CEP170B: variants seen among roughly 807,000 people sequenced by gnomAD.
CEP170B encodes centrosomal protein 170B, also known as centrosomal protein of 170 kDa protein B.
CEP170B carries 55 observed loss-of-function variants against 120.6 expected under a neutral mutation model. The ratio of observed to expected loss-of-function variants is 0.46; its 90% CI spans 0.37 to 0.57. The LOEUF is 0.57. Ranked by LOEUF, CEP170B falls within the 20% of genes least tolerant of loss-of-function variation. The pLI is 0.00. For missense variants in CEP170B, 2,212 were observed against 2,253.3 expected, an observed-to-expected ratio of 0.98 and a Z score of 0.37; for synonymous variants, 1,033 against 954.5, an observed-to-expected ratio of 1.08 and a Z score of -1.52.
chr14:104,872,299 CCAT>C (rs1895561029), intron 2 of CEP170B, among the ~76,000 whole-genome samples: 2 of 48,368 alleles, frequency 4.1e-5, no homozygotes, highest in South Asian at 7.4e-4. Context: ...CGTGTGTGTG[CCAT>C]GGGTGTGCGT....
intron 10 of CEP170B, 60 bp downstream of exon 10, chr14:104,885,602 C>T (rs1896440865): frequency 4.6e-6 from 7 of 1,505,842 alleles, no homozygotes; most frequent in African/African-American, 1.4e-5. Flanking sequence ...AGCATCCAAG[C>T]CGGACCTGGG....
chr14:104,883,882 A>C lies in CEP170B; in HGVS notation c.1103A>C (p.Lys368Thr), dbSNP rs1382110181. Residue 368 changes from lysine to threonine, a missense_variant, in exon 9 of 19, where the codon AAG (lysine) becomes ACG (threonine). Around this residue, in one of 2 missense-constraint regions of CEP170B, gnomAD observed 2,166 missense variants for 2,166.7 expected, o/e 1.00. Transcript: ENST00000414716. ...TQSDSEDPLA[K>T]AASAAGVPLE... ...AGTGACTCAGAGGACCCCCTGGCCA[A>C]GGCGGCCTCGGCCGCTGGGGTGCCC... 6.3e-7 allele frequency: 1 copy of C among 1,580,484 alleles called. No homozygotes were observed. The highest frequency in any genetic ancestry group is 1.8e-5 in the Admixed American group (1 of 54,564).
intron 14 of CEP170B, 134 bp from the exon 15 acceptor site, chr14:104,893,389 G>T: frequency 8.4e-7 from 1 of 1,187,436 alleles, no homozygotes; most frequent in South Asian, 1.6e-5. Flanking sequence ...GCGGGGCAGG[G>T]GCACAGGAGG....
At chr14:104,893,214 C>A (rs1595361935) in intron 14 of CEP170B, 79 bp downstream of exon 14, 2 of 1,448,218 alleles carry the variant, frequency 1.4e-6, no homozygotes, top group Non-Finnish European at 9.2e-7. Flanking sequence ...CAGCCCTTTG[C>A]ATGCCTCGGC....
chr14:104,894,580 A>G lies in CEP170B; in HGVS notation c.4409A>G (p.Gln1470Arg). 1 of 1,612,056 alleles carries G rather than the reference A, an allele frequency of 6.2e-7. No individual in the cohort carries two copies. The highest frequency in any genetic ancestry group is 8.5e-7 in the Non-Finnish European group (1 of 1,178,768). Residue 1470 changes from glutamine (Q) to arginine (R), a missense_variant, in exon 18 of 19, where the codon CAG becomes CGG. Coordinates refer to ENST00000414716, the MANE Select transcript of CEP170B (RefSeq NM_001112726.3). ...ILKELRRVQK[Q>R]LEVINAIVDP... ...AAGGAACTGAGGCGGGTGCAGAAAC[A>G]GCTGGAAGGTGAGTGTGGCCCAAGC...
In CEP170B at chr14:104,886,150, C is replaced by G. The variant is rs1329436455; in HGVS notation, c.2035+20C>G. The G allele has an allele frequency of 1.3e-6, 2 of 1,514,596 alleles. No individual in the cohort carries two copies. Among genetic ancestry groups the G allele is most frequent in the Non-Finnish European group, 1.8e-6 (2 of 1,132,852 alleles). 93.8% of individuals were successfully genotyped at this position (1,514,596 alleles called of 1,614,324 possible). On this transcript the variant is annotated intron_variant, in intron 11 of 18. Coordinates refer to ENST00000414716, the MANE Select transcript of CEP170B (RefSeq NM_001112726.3). ...TCACAGGTAAGTGGCTCCAGTGCTG[C>G]GGGGGAGTCGGGCCAGGCCGGGGCG...
chr14:104,893,269 C>A (rs1896938465), intron 14 of CEP170B, 134 bp downstream of exon 14: 1 of 1,190,224 alleles, frequency 8.4e-7, no homozygotes, highest in Non-Finnish European at 1.1e-6. Flanking sequence ...GGAACATGTC[C>A]CCCTGGGTCA....
chr14:104,865,170 G>C (rs1442389775), upstream of CEP170B: 2 of 146,904 alleles, frequency 1.4e-5, no homozygotes, highest in Non-Finnish European at 3.0e-5. This position sits in a 1 kb window ranked among gnomAD's most constrained non-coding sequence, Gnocchi z 6.7. Context: ...CCTGGTTTCC[G>C]GCGGGGCGGC....
At chr14:104,877,745 G>A (rs1289424228) in intron 3 of CEP170B, 140 bp from the exon 4 acceptor site, 10 of 645,948 alleles carry the variant, frequency 1.5e-5, no homozygotes, top group South Asian at 8.8e-5. Context: ...GCCATCACTC[G>A]CCGTGGGTTC....
Position 104,883,022 on chromosome 14 carries a change from C to T in CEP170B, c.578-13C>T, listed in dbSNP as rs1351161815. The T allele has an allele frequency of 6.7e-7, 1 of 1,496,532 alleles. No individual in the cohort carries two copies. The allele number at this position is 1,496,532 out of a possible 1,614,324, so 92.7% of individuals were successfully genotyped here. On this transcript the variant is annotated splice_polypyrimidine_tract_variant and intron_variant, in intron 7 of 18. Transcript: ENST00000414716. The stretch of plus-strand genomic sequence containing the variant: ...ACCCTGAGGCCCGGTCTGAAGACAT[C>T]TTCCCACACCAGAGCGCCCCAAGGG...
chr14:104,889,562 G>A, intron 12 of CEP170B, 58 bp from the exon 13 acceptor site: 1 of 1,602,032 alleles, frequency 6.2e-7, no homozygotes, highest in Non-Finnish European at 8.5e-7. Flanking sequence ...CACCTCTGAG[G>A]AGGAGTACGG....
chr14:104,895,101 C>A lies in CEP170B; in HGVS notation c.*143C>A. 1.1e-6 allele frequency: 1 copy of A among 930,260 alleles called. No homozygotes were observed. The highest frequency in any genetic ancestry group is 1.6e-6 in the Non-Finnish European group (1 of 643,340). 57.6% of individuals were successfully genotyped at this position (930,260 alleles called of 1,614,324 possible). On this transcript the variant is annotated 3_prime_UTR_variant, in exon 19 of 19. Coordinates refer to ENST00000414716, the MANE Select transcript of CEP170B (RefSeq NM_001112726.3). ...TCCCTGTGGGCGGGTGCCTCCCACG[C>A]CCTTGCCCCCTCGTCAGCTCCCAGC...
In CEP170B at chr14:104,887,894, A is replaced by T. The variant is rs1363813858; in HGVS notation, c.3655A>T (p.Arg1219Trp). The T allele has an allele frequency of 3.8e-6, 6 of 1,559,414 alleles. No homozygotes were observed. Among genetic ancestry groups the T allele is most frequent in the Non-Finnish European group, 5.2e-6 (6 of 1,157,304 alleles). ...CATGGCCGAAGCACGGGCTGTCTCC[A>T]GGAAGGCTGCCAACACAGCCACCAC... Reference protein sequence around the residue: ...PTMAEARAVSRKAANTATTTG... With the variant: ...PTMAEARAVSWKAANTATTTG... Residue 1219 changes from arginine to tryptophan, a missense_variant, in exon 12 of 19, where the codon AGG becomes TGG. This residue lies in a region of CEP170B where 2,166 missense variants were observed against 2,166.7 expected (regional missense o/e 1.00). Coordinates refer to ENST00000414716, the MANE Select transcript of CEP170B (RefSeq NM_001112726.3).
At chr14:104,890,808 AGTGG>A (rs1896809822) in intron 13 of CEP170B, among the ~76,000 whole-genome samples, 2 of 43,218 alleles carry the variant, frequency 4.6e-5, no homozygotes, top group South Asian at 1.8e-3. Context: ...TGGATGGATG[AGTGG>A]GTGGGTGGAT....
rs376197906 is a variant in CEP170B, at chr14:104,867,392, C to T, written c.-27-1032C>T. Among the ~76,000 whole-genome samples the T allele has an allele frequency of 2.6e-5, 4 of 152,322 alleles. No homozygotes were observed. Among genetic ancestry groups the T allele is most frequent in the African/African-American group, 9.6e-5 (4 of 41,568 alleles). ...GTGTTCCCTGTATCCCTCTTTGCAC[C>T]TTCTCATAAGCCGTTTCTGTTCTCT... On this transcript the variant is annotated intron_variant, in intron 1 of 18. Coordinates refer to ENST00000414716, the MANE Select transcript of CEP170B (RefSeq NM_001112726.3). This position sits in a 1 kb window ranked among gnomAD's most constrained non-coding sequence, Gnocchi z 5.4.
At position 104,887,255 on chromosome 14, in the gene CEP170B, C is replaced by G. The variant is rs765584586; in HGVS notation, c.3016C>G (p.Gln1006Glu). The G allele has an allele frequency of 6.2e-7, 1 of 1,607,470 alleles. No individual in the cohort carries two copies. The highest frequency in any genetic ancestry group is 1.7e-5 in the Admixed American group (1 of 59,892). The change falls in exon 12 of 19, where the codon CAG becomes GAG. Residue 1006 changes from glutamine to glutamate, a missense_variant. Coordinates refer to ENST00000414716, the MANE Select transcript of CEP170B (RefSeq NM_001112726.3). ...CACCGCCCTGGTCAGTGCCCGTGAG[C>G]AGTCCTCAGAGAGGCAGCATCACCC... ...GGTALVSARE[Q>E]SSERQHHPLG...
At position 104,896,268 on chromosome 14, in the gene CEP170B, G is replaced by A. The variant is rs1466356644; in HGVS notation, c.*1310G>A. ...GTTTACTTTTAGCTGAGCTGGGGTT[G>A]GGTGTACGGGTTCTGTTCCTCTGAG... On this transcript the variant is annotated 3_prime_UTR_variant, in exon 19 of 19. Coordinates refer to ENST00000414716, the MANE Select transcript of CEP170B (RefSeq NM_001112726.3). 2.4e-5 allele frequency: 6 copies of A among 249,802 alleles called. No homozygotes were observed. Among genetic ancestry groups the A allele is most frequent in the East Asian group, 2.1e-4 (2 of 9,360 alleles). The allele number at this position is 249,802 out of a possible 1,614,324, so 15.5% of individuals were successfully genotyped here.
chr14:104,885,516 G>T lies in CEP170B; in HGVS notation c.1918G>T (p.Gly640Cys). ...LLQEFASRPL[G>C]AAPQAEHQGL... is the part of the protein sequence containing the mutation. ...GCAGGAGTTTGCCTCCCGGCCACTG[G>T]GTGCGGCCCCCCAGGCGGAGCACCA... is the stretch of plus-strand genomic sequence containing the variant. The change falls in exon 10 of 19, where the codon GGT (glycine) becomes TGT (cysteine). Residue 640 changes from glycine (G) to cysteine (C), a missense_variant. Coordinates refer to ENST00000414716, the MANE Select transcript of CEP170B (RefSeq NM_001112726.3). 1 of 1,566,570 alleles carries T rather than the reference G, an allele frequency of 6.4e-7. No individual in the cohort carries two copies. Among genetic ancestry groups the T allele is most frequent in the Non-Finnish European group, 8.6e-7 (1 of 1,158,876 alleles).
Position 104,887,302 on chromosome 14 carries a change from C to A in CEP170B, c.3063C>A (p.Gly1021=), listed in dbSNP as rs1368194179. ...QHHPLGPTDM[G]RGEPVRRSAI... is the part of the protein sequence containing the mutation. ...ACCCACTTGGCCCGACGGACATGGG[C>A]CGTGGAGAGCCGGTACGGCGCTCAG... is the stretch of plus-strand genomic sequence containing the variant. Residue 1021 remains glycine (G), a synonymous_variant, in exon 12 of 19, where the codon GGC becomes GGA. Transcript: ENST00000414716. 1.2e-6 allele frequency: 2 copies of A among 1,609,678 alleles called. No homozygotes were observed. Among genetic ancestry groups the A allele is most frequent in the Non-Finnish European group, 1.7e-6 (2 of 1,179,048 alleles).
Sources: allele counts gnomAD v4.1 joint callset (sites outside exome capture counted in the v4.1 genomes callset), GRCh38; gene constraint gnomAD v4.1.1; regional missense constraint gnomAD v4.1.1; non-coding constraint Gnocchi (gnomAD v3.1); transcripts MANE v1.5; gene names NCBI Gene and HGNC (gene_info 2026-07-23, HGNC 2026-07-21).